The following RPS6KA6 variants were observed in gnomAD, a reference collection of about 807,000 sequenced individuals.
RPS6KA6 encodes the protein ribosomal protein S6 kinase alpha-6.
RPS6KA6 carries 27 observed loss-of-function variants against 65.4 expected under a neutral mutation model. The ratio of observed to expected loss-of-function variants is 0.41; its 90% CI spans 0.30 to 0.57. The LOEUF is 0.57. Among genes scored for constraint, RPS6KA6 ranks in the 20% least tolerant of loss-of-function variants. The probability of loss-of-function intolerance (pLI) is 0.24; values close to 1 mark genes in which losing one functional copy is unlikely to be tolerated. For missense variants in RPS6KA6, 486 were observed against 555.6 expected (o/e 0.87, Z 1.26); for synonymous variants, 190 against 184.2 (o/e 1.03, Z -0.26).
At chrX:84,161,392 T>C (rs1020051875) in intron 2 of RPS6KA6, among the ~76,000 whole-genome samples, 1 of 111,814 alleles carries the variant, frequency 8.9e-6, no homozygotes, top group African/African-American at 3.2e-5. Flanking sequence ...CCAACATTTT[T>C]TAGTTGAACA....
At chrX:84,077,216 T>C (rs1375717940) in intron 20 of RPS6KA6, among the ~76,000 whole-genome samples, 1 of 111,432 alleles carries the variant, frequency 9.0e-6, no homozygotes, top group Admixed American at 9.6e-5. Flanking sequence ...CCTAGCAGGC[T>C]TCTTTTTCTG....
rs749552249 is a variant in RPS6KA6 at position 84,172,399 on chromosome X, G to A, written c.82-8012C>T. Among the ~76,000 whole-genome samples the A allele has an allele frequency of 7.2e-5, 8 of 111,808 alleles. No individual in the cohort carries two copies. In the East Asian group the frequency reaches 2.2e-3, roughly 31 times the overall value. On this transcript the variant is annotated intron_variant, in intron 1 of 21. Transcript: ENST00000262752. ...ACCCTCTCAACATGAATTATCAACAGCATGGCTTTGTTGAAATGGAAAGTA... is the reference window on the plus strand; with the variant it reads ...ACCCTCTCAACATGAATTATCAACAACATGGCTTTGTTGAAATGGAAAGTA...
intron 1 of RPS6KA6, among the ~76,000 whole-genome samples, chrX:84,177,958 C>A (rs1269401064): frequency 9.0e-6 from 1 of 110,945 alleles, no homozygotes; most frequent in African/African-American, 3.3e-5. Flanking sequence ...CCACACACAG[C>A]TAATTTTTTA....
At chrX:84,154,284 T>C (rs1466153740) in intron 3 of RPS6KA6, among the ~76,000 whole-genome samples, 1 of 111,442 alleles carries the variant, frequency 9.0e-6, no homozygotes, top group Non-Finnish European at 1.9e-5. Flanking sequence ...TCTGTTTCCA[T>C]CATCTTCACT....
At chrX:84,134,178 C>T (rs1602443300) in intron 8 of RPS6KA6, among the ~76,000 whole-genome samples, 1 of 111,960 alleles carries the variant, frequency 8.9e-6, no homozygotes, top group East Asian at 2.8e-4. Context: ...TTCCTTTTTA[C>T]TGCTGAGTAG....
chrX:84,086,511 G>A (rs1297849125), intron 20 of RPS6KA6, among the ~76,000 whole-genome samples: 1 of 111,353 alleles, frequency 9.0e-6, no homozygotes, highest in Non-Finnish European at 1.9e-5. Context: ...TTGTGCTGTG[G>A]TCAGAGGACT....
intron 8 of RPS6KA6, among the ~76,000 whole-genome samples, chrX:84,121,622 T>C (rs758017037): frequency 1.8e-5 from 2 of 111,902 alleles, no homozygotes; most frequent in Admixed American, 9.5e-5. Flanking sequence ...TGGCTCTATA[T>C]TGTCACTTAA....
At chrX:84,075,468 T>C (rs939501224) in intron 20 of RPS6KA6, among the ~76,000 whole-genome samples, 5 of 111,306 alleles carry the variant, frequency 4.5e-5, no homozygotes, top group African/African-American at 1.6e-4. Context: ...CAGAAAAGAA[T>C]ATTTAAATAA....
intron 21 of RPS6KA6, among the ~76,000 whole-genome samples, chrX:84,064,760 G>A (rs896812927): frequency 9.0e-6 from 1 of 111,471 alleles, no homozygotes; most frequent in Non-Finnish European, 1.9e-5. Context: ...TCAAAAGCAC[G>A]GCAGGTACAA....
At chrX:84,076,054 T>C (rs778870357) in intron 20 of RPS6KA6, among the ~76,000 whole-genome samples, 7 of 111,584 alleles carry the variant, frequency 6.3e-5, no homozygotes, top group African/African-American at 2.3e-4. Flanking sequence ...AAAAACCTTG[T>C]GCCAATGTGT....
intron 20 of RPS6KA6, among the ~76,000 whole-genome samples, chrX:84,080,157 T>A (rs1033414166): frequency 4.8e-4 from 51 of 106,949 alleles, no homozygotes; most frequent in Admixed American, 1.5e-3. Context: ...CCCTCTGGGA[T>A]GAAGCTTCCA....
intron 20 of RPS6KA6, among the ~76,000 whole-genome samples, chrX:84,091,791 C>T (rs1290734184): frequency 8.9e-6 from 1 of 111,925 alleles, no homozygotes; most frequent in Non-Finnish European, 1.9e-5. Context: ...GGAATCAACC[C>T]ATATGCCCAT....
intron 1 of RPS6KA6, among the ~76,000 whole-genome samples, chrX:84,165,781 A>AT (rs1327826990): frequency 5.4e-5 from 6 of 110,720 alleles, no homozygotes; most frequent in South Asian, 3.8e-4. Flanking sequence ...AATCCCTGTT[A>AT]TTTTTTTTGC....
intron 20 of RPS6KA6, among the ~76,000 whole-genome samples, chrX:84,073,763 AATAGGT>A (rs1452717446): frequency 9.0e-6 from 1 of 111,279 alleles, no homozygotes. Context: ...ACAAATATCC[AATAGGT>A]ATATGGAAAA....
Position 84,090,585 on chromosome X carries a change from A to G in RPS6KA6, c.1971+5609T>C, listed in dbSNP as rs983449235. On this transcript the variant is annotated intron_variant, in intron 20 of 21. Transcript: ENST00000262752. ...CTCAGGAAACTTACAATCACGGTAG[A>G]AGGAGGAGCGCAAGCAAGGAAGTCA... 2.7e-5 allele frequency among the ~76,000 whole-genome samples: 3 copies of G among 111,762 alleles called. No homozygotes were observed. In the Admixed American group the frequency reaches 2.9e-4, roughly 11 times the overall value.
chrX:84,102,195 C>T lies in RPS6KA6; in HGVS notation c.1618G>A (p.Val540Ile). 1 of 1,083,987 alleles carries T rather than the reference C, an allele frequency of 9.2e-7. No individual in the cohort carries two copies. The highest frequency in any genetic ancestry group is 1.2e-6 in the Non-Finnish European group (1 of 809,361). The allele number at this position is 1,083,987 out of a possible 1,213,427, so 89.3% of individuals were successfully genotyped here. The part of the protein sequence containing the change: ...TVDYLHCQGV[V>I]HRDLKPSNIL... ...TTACTAGGTTTAAGATCACGATGAA[C>T]AACCTTGAATATAAAGGAAAAAAGC... is the stretch of plus-strand genomic sequence containing the variant. Residue 540 changes from valine (V) to isoleucine (I), a missense_variant, in exon 18 of 22, where the codon GTT (valine) becomes ATT (isoleucine). Val to Ile is a conservative substitution (Grantham distance 29, BLOSUM62 3). Transcript: ENST00000262752.
At chrX:84,162,664 C>T (rs2035531546) in intron 2 of RPS6KA6, among the ~76,000 whole-genome samples, 1 of 112,083 alleles carries the variant, frequency 8.9e-6, no homozygotes, top group African/African-American at 3.2e-5. Context: ...ACCACACACA[C>T]TGTTCCCCTG....
At chrX:84,172,432 A>G (rs1336062230) in intron 1 of RPS6KA6, among the ~76,000 whole-genome samples, 1 of 112,369 alleles carries the variant, frequency 8.9e-6, no homozygotes, top group East Asian at 2.8e-4. Flanking sequence ...GTAAATCCAG[A>G]ATATATCCTG....
chrX:84,141,113 C>G (rs1480276704), intron 6 of RPS6KA6, among the ~76,000 whole-genome samples: 1 of 111,009 alleles, frequency 9.0e-6, no homozygotes, highest in East Asian at 2.8e-4. Context: ...AGGTATCTAG[C>G]ATGTAAGAAA....
Sources: allele counts gnomAD v4.1 joint callset (sites outside exome capture counted in the v4.1 genomes callset), GRCh38; gene constraint gnomAD v4.1.1; transcripts MANE v1.5; gene names NCBI Gene and HGNC (gene_info 2026-07-23, HGNC 2026-07-21).